The following PASK variants were observed in gnomAD, a reference collection of about 807,000 sequenced individuals.
PASK encodes PAS domain-containing serine/threonine-protein kinase.
In PASK, 110 loss-of-function variants were observed where a neutral mutation model predicts 121.0. That is an observed-to-expected ratio of 0.91 (90% CI 0.78 to 1.06). PASK has a LOEUF of 1.06. Ranked by LOEUF, PASK falls within the 50% of genes least tolerant of loss-of-function variation. The probability of loss-of-function intolerance (pLI) is 0.00; values close to 1 mark genes in which losing one functional copy is unlikely to be tolerated. For synonymous variants in PASK, 686 were observed against 717.8 expected (o/e 0.96, Z 0.71); for missense variants, 1,643 against 1,702.3 (o/e 0.97, Z 0.61).
chr2:241,115,687 A>ACCGGTC (rs1559361283), intron 12 of PASK, among the ~76,000 whole-genome samples: 60 of 117,722 alleles, frequency 5.1e-4, no homozygotes, highest in African/African-American at 1.1e-3. Context: ...CACCAGGGCC[A>ACCGGTC]CCCAGTCCTC....
chr2:241,126,247 G>A lies in PASK; in HGVS notation c.2668C>T (p.Gln890Ter). ...CAGCTCCCGGAGTAGGCACCCTCCTGGATCTCCCGCTGCAGGCCAGCAGCC... is the reference window on the plus strand; with the variant it reads ...CAGCTCCCGGAGTAGGCACCCTCCTAGATCTCCCGCTGCAGGCCAGCAGCC... Reference protein sequence around the residue: ...RGAAGLQREIQEGAYSGSCYH... With the variant: ...RGAAGLQREI Residue 890 changes from glutamine (Q) to a stop codon, truncating the protein, a stop_gained, in exon 10 of 18, where the codon CAG becomes TAG. Coordinates refer to ENST00000234040, the MANE Select transcript of PASK (RefSeq NM_015148.4). LOFTEE classifies it high-confidence loss of function. 6.2e-7 allele frequency: 1 copy of A among 1,614,112 alleles called. No homozygotes were observed. The highest frequency in any genetic ancestry group is 8.5e-7 in the Non-Finnish European group (1 of 1,180,026).
chr2:241,115,828 A>AAGCATCCCATTACACCAGGGGCCACAG (rs2065324307), intron 12 of PASK, among the ~76,000 whole-genome samples: 1 of 102,290 alleles, frequency 9.8e-6, no homozygotes, highest in African/African-American at 5.1e-5. Context: ...GGGGCCACCC[A>AAGCATCCCATTACACCAGGGGCCACAG]GTCCTCAAGC....
chr2:241,120,556 G>A (rs976980178), intron 12 of PASK, among the ~76,000 whole-genome samples: 5 of 152,044 alleles, frequency 3.3e-5, no homozygotes, highest in Admixed American at 6.6e-5. Context: ...TTTACAAACA[G>A]CCAATAAGAT....
intron 12 of PASK, among the ~76,000 whole-genome samples, chr2:241,117,322 G>A (rs568771947): frequency 6.6e-6 from 1 of 152,178 alleles, no homozygotes; most frequent in Non-Finnish European, 1.5e-5. Context: ...AGAAGACGAG[G>A]GGAAGCAGGC....
In PASK at chr2:241,127,395, T is replaced by C. The variant is rs761019929; in HGVS notation, c.1520A>G (p.Lys507Arg). 1.5e-5 allele frequency: 25 copies of C among 1,613,978 alleles called. No individual in the cohort carries two copies. The highest frequency in any genetic ancestry group is 2.0e-5 in the Non-Finnish European group (24 of 1,179,936). The change falls in exon 10 of 18, where the codon AAG becomes AGG. Residue 507 changes from lysine (K) to arginine (R), a missense_variant. Lys to Arg is a conservative substitution (Grantham distance 26). Transcript: ENST00000234040. ...CCCCAAGGCAGTGATTTGCTGGTCC[T>C]TGGGCAGCGCCTGTTCACCGTGCAC... ...LPVHGEQALP[K>R]DQQITALGRE...
At position 241,115,174 on chromosome 2, in the gene PASK, A is replaced by G; in HGVS notation, c.3202T>C (p.Leu1068=). Residue 1068 remains leucine (L), a synonymous_variant, in exon 14 of 18, where the codon TTG becomes CTG. Transcript: ENST00000234040. ...RVEHANIIKV[L]DIFENQGFFQ... The stretch of plus-strand genomic sequence containing the variant: ...AACCCTTGGTTTTCAAATATATCCA[A>G]TACCTAGGAAGAGACAAAGCCAAGT... 1 of 1,614,082 alleles carries G rather than the reference A, an allele frequency of 6.2e-7. No homozygotes were observed. The highest frequency in any genetic ancestry group is 8.5e-7 in the Non-Finnish European group (1 of 1,179,984).
At chr2:241,149,641 G>A (rs1169631827), upstream of PASK, 3 of 1,540,166 alleles carry the variant, frequency 1.9e-6, no homozygotes, top group South Asian at 3.6e-5. Flanking sequence ...AGGAGCCAAA[G>A]GAATAATGGG....
chr2:241,131,267 G>C (rs901756180), intron 9 of PASK, among the ~76,000 whole-genome samples: 2 of 151,600 alleles, frequency 1.3e-5, no homozygotes, highest in Non-Finnish European at 2.9e-5. Flanking sequence ...TCCTGCCTCA[G>C]CCTCCCGAGT....
rs369163716 is a variant in PASK, at chr2:241,115,263, G to T, written c.3198+25C>A. The T allele has an allele frequency of 8.7e-6, 14 of 1,613,878 alleles. 1 individual carries two copies. Among genetic ancestry groups the T allele is most frequent in the Admixed American group, 1.7e-5 (1 of 60,000 alleles). ...GACATTTGACATGAGCCAAGTTAGG[G>T]TATCTCTGAAGAGGAAACCATCACC... On this transcript the variant is annotated intron_variant, in intron 13 of 17. Transcript: ENST00000234040.
At chr2:241,136,657 G>A (rs1197963397) in intron 7 of PASK, among the ~76,000 whole-genome samples, 6 of 152,090 alleles carry the variant, frequency 3.9e-5, no homozygotes, top group African/African-American at 9.7e-5. Context: ...TAAATTTAAC[G>A]TAACTACAAT....
chr2:241,107,451 C>G lies in PASK; in HGVS notation c.3716G>C (p.Arg1239Pro). ...TGTCACCAGCTTCTCCAAGGTGGTG[C>G]GTCTCTCAGGGACTGGCTGCAGCAG... ...SGLLQPVPERRTTLEKLVTDP... is the reference protein window; with the variant it reads ...SGLLQPVPERPTTLEKLVTDP... The change falls in exon 17 of 18, where the codon CGC becomes CCC. Residue 1239 changes from arginine to proline, a missense_variant. Physicochemically the swap from Arg to Pro is moderately radical, Grantham distance 103 (BLOSUM62 -2). This residue lies in a region of PASK where 453 missense variants were observed against 511.2 expected (regional missense o/e 0.89). Transcript: ENST00000234040. 6.2e-7 allele frequency: 1 copy of G among 1,613,664 alleles called. No individual in the cohort carries two copies. The highest frequency in any genetic ancestry group is 8.5e-7 in the Non-Finnish European group (1 of 1,179,546).
In PASK at chr2:241,126,487, C is replaced by T; in HGVS notation, c.2428G>A (p.Gly810Ser). The change falls in exon 10 of 18, where the codon GGC becomes AGC. Residue 810 changes from glycine to serine, a missense_variant. Coordinates refer to ENST00000234040, the MANE Select transcript of PASK (RefSeq NM_015148.4). The part of the protein sequence containing the change: ...LTGTCVDLGQ[G>S]RRFRESCVGH... Reference sequence around the variant, plus strand: ...ACACAGCTCTCCCGGAACCGTCGGCCTTGGCCAAGGTCAACACAGGTGCCG... The same window carrying T: ...ACACAGCTCTCCCGGAACCGTCGGCTTTGGCCAAGGTCAACACAGGTGCCG... 1 of 1,614,270 alleles carries T rather than the reference C, an allele frequency of 6.2e-7. No homozygotes were observed. The highest frequency in any genetic ancestry group is 1.1e-5 in the South Asian group (1 of 91,090).
rs1292297817 is a variant in PASK, at chr2:241,115,275, A to G, written c.3198+13T>C. On this transcript the variant is annotated intron_variant, in intron 13 of 17. Coordinates refer to ENST00000234040, the MANE Select transcript of PASK (RefSeq NM_015148.4). ...GAGCCAAGTTAGGGTATCTCTGAAG[A>G]GGAAACCATCACCTTGATGATATTG... The G allele has an allele frequency of 6.2e-7, 1 of 1,614,016 alleles. No individual in the cohort carries two copies. The highest frequency in any genetic ancestry group is 1.3e-5 in the African/African-American group (1 of 75,004).
intron 8 of PASK, chr2:241,133,616 G>C (rs1354847363): frequency 5.6e-6 from 1 of 177,538 alleles, no homozygotes; most frequent in Non-Finnish European, 1.2e-5. Context: ...TCTGCACGCA[G>C]TGCAGCCTGG....
Position 241,140,844 on chromosome 2 carries a change from A to G in PASK, c.197-91T>C, listed in dbSNP as rs2066669490. ...GGCAAAGCACACAGCCCTTGCCCTC[A>G]ACTCCTGCAAAAAGATCTAAGGATT... is the stretch of plus-strand genomic sequence containing the variant. On this transcript the variant is annotated intron_variant, in intron 2 of 17. Coordinates refer to ENST00000234040, the MANE Select transcript of PASK (RefSeq NM_015148.4). The G allele has an allele frequency of 6.3e-6, 5 of 791,840 alleles. No homozygotes were observed. The African/African-American group carries it at 8.5e-5, about 14-fold the overall frequency. 49.1% of individuals were successfully genotyped at this position (791,840 alleles called of 1,614,324 possible).
intron 16 of PASK, among the ~76,000 whole-genome samples, chr2:241,107,768 G>T (rs887562454): frequency 2.0e-5 from 3 of 152,216 alleles, no homozygotes; most frequent in African/African-American, 7.2e-5. Flanking sequence ...ATTCTCAGGG[G>T]CTCTGGCAAT....
In PASK at chr2:241,126,346, C is replaced by T. The variant is rs151196041; in HGVS notation, c.2569G>A (p.Asp857Asn). 1.4e-4 allele frequency: 220 copies of T among 1,614,258 alleles called. No homozygotes were observed. Among genetic ancestry groups the T allele is most frequent in the Non-Finnish European group, 8.7e-5 (103 of 1,180,050 alleles). ...VPSTLDAGPEDTCPSAEEPRL... is the reference protein window; with the variant it reads ...VPSTLDAGPENTCPSAEEPRL... ...GGCTCCTCTGCTGATGGGCACGTGT[C>T]CTCAGGGCCAGCATCCAACGTGGAA... The change falls in exon 10 of 18, where the codon GAC becomes AAC. Residue 857 changes from aspartate to asparagine, a missense_variant. Coordinates refer to ENST00000234040, the MANE Select transcript of PASK (RefSeq NM_015148.4).
intron 15 of PASK, chr2:241,109,046 C>T (rs1328466381): frequency 8.8e-6 from 1 of 113,132 alleles, no homozygotes; most frequent in Non-Finnish European, 1.7e-5. Flanking sequence ...CTCATCCACG[C>T]TACCATTTAT....
chr2:241,138,027 C>T lies in PASK; in HGVS notation c.802G>A (p.Asp268Asn), dbSNP rs1424400626. ...AHLHGYVSGEDVAGQHITDLI... is the reference protein window; with the variant it reads ...AHLHGYVSGENVAGQHITDLI... Reference sequence around the variant, plus strand: ...TCTGTGATATGCTGCCCAGCCACGTCCTCCCCAGACACGTACCCGTGAAGA... The same window carrying T: ...TCTGTGATATGCTGCCCAGCCACGTTCTCCCCAGACACGTACCCGTGAAGA... The change falls in exon 6 of 18, where the codon GAC (aspartate) becomes AAC (asparagine). Residue 268 changes from aspartate to asparagine, a missense_variant. Asp to Asn is a conservative substitution (Grantham distance 23). Transcript: ENST00000234040. 1 of 1,614,182 alleles carries T rather than the reference C, an allele frequency of 6.2e-7. No individual in the cohort carries two copies. The highest frequency in any genetic ancestry group is 8.5e-7 in the Non-Finnish European group (1 of 1,179,984).
Sources: gnomAD v4.1 joint callset for allele counts (sites outside exome capture counted in the v4.1 genomes callset) on GRCh38, gnomAD v4.1.1 for gene constraint, gnomAD v4.1.1 regional missense constraint, MANE v1.5 for transcripts, NCBI Gene and HGNC (gene_info 2026-07-23, HGNC 2026-07-21) for gene names.